The following NDUFS4 variants were observed in gnomAD, a reference collection of about 807,000 sequenced individuals.
NDUFS4 encodes the protein NADH dehydrogenase [ubiquinone] iron-sulfur protein 4, mitochondrial.
Under a neutral mutation model 24.3 loss-of-function variants are expected in NDUFS4, and 28 were observed. That is an observed-to-expected ratio of 1.15 (90% CI 0.85 to 1.58). The LOEUF is 1.58. NDUFS4 is among the 40% of genes most tolerant of loss of function. The pLI is 0.00. For synonymous variants in NDUFS4, 93 were observed against 69.7 expected (o/e 1.34, Z -1.67); for missense variants, 223 against 207.9 (o/e 1.07, Z -0.45).
At position 53,567,396 on chromosome 5, in the gene NDUFS4, A is replaced by G. The variant is rs184264490; in HGVS notation, c.98+6636A>G. On this transcript the variant is annotated intron_variant, in intron 1 of 4. Transcript: ENST00000296684. The stretch of plus-strand genomic sequence containing the variant: ...ATCTTTACTGTTGCTGCATGGTTCC[A>G]TTTGTACAGTGAGAGTTACCAAATG... 1.6e-3 allele frequency among the ~76,000 whole-genome samples: 248 copies of G among 152,288 alleles called. 1 individual carries two copies. Among genetic ancestry groups the G allele is most frequent in the African/African-American group, 5.5e-3 (227 of 41,570 alleles).
chr5:53,682,190 T>C (rs2111613067), intron 4 of NDUFS4, among the ~76,000 whole-genome samples: 1 of 152,238 alleles, frequency 6.6e-6, no homozygotes, highest in South Asian at 2.1e-4. Context: ...GACTTAATTA[T>C]ATTTTTAAGG....
chr5:53,627,851 T>C (rs888253894), intron 2 of NDUFS4, among the ~76,000 whole-genome samples: 2 of 152,194 alleles, frequency 1.3e-5, no homozygotes, highest in African/African-American at 2.4e-5. Context: ...ACTTCCTCTT[T>C]TCCTAATTGA....
chr5:53,588,979 C>T (rs1033418990), intron 1 of NDUFS4, among the ~76,000 whole-genome samples: 2 of 149,654 alleles, frequency 1.3e-5, no homozygotes, highest in African/African-American at 4.9e-5. Context: ...AATGCATAGC[C>T]ATCTTAAAAA....
rs1579913105 is a variant in NDUFS4, at chr5:53,645,224, C to A, written c.178-1009C>A. On this transcript the variant is annotated intron_variant, in intron 2 of 4. Coordinates refer to ENST00000296684, the MANE Select transcript of NDUFS4 (RefSeq NM_002495.4). ...TCATTAATAAGCATATGGTTGACCC[C>A]AATGTGATTTACTTTGATCAGATAA... Among the ~76,000 whole-genome samples, 4 of 152,096 alleles carry A rather than the reference C, an allele frequency of 2.6e-5. No homozygotes were observed. In the East Asian group the frequency reaches 7.7e-4, roughly 29 times the overall value.
chr5:53,597,286 A>G (rs974971670), intron 1 of NDUFS4, among the ~76,000 whole-genome samples: 3 of 152,196 alleles, frequency 2.0e-5, no homozygotes, highest in Admixed American at 6.5e-5. Flanking sequence ...GTGAAAACAG[A>G]TAGTTTCTTA....
At chr5:53,620,664 T>A (rs1751005817) in intron 2 of NDUFS4, among the ~76,000 whole-genome samples, 1 of 152,214 alleles carries the variant, frequency 6.6e-6, no homozygotes, top group Non-Finnish European at 1.5e-5. Flanking sequence ...TATTCTTACA[T>A]TCAGTCTATG....
intron 1 of NDUFS4, among the ~76,000 whole-genome samples, chr5:53,567,498 T>C (rs1175398873): frequency 6.6e-6 from 1 of 152,206 alleles, no homozygotes; most frequent in Non-Finnish European, 1.5e-5. Flanking sequence ...AAGGGACTTT[T>C]CATAGGTGAC....
chr5:53,624,743 G>A (rs1473540495), intron 2 of NDUFS4, among the ~76,000 whole-genome samples: 1 of 151,776 alleles, frequency 6.6e-6, no homozygotes, highest in Non-Finnish European at 1.5e-5. Flanking sequence ...GAATCTTTAG[G>A]GATTTTCACA....
At chr5:53,567,046 T>G (rs535499508) in intron 1 of NDUFS4, among the ~76,000 whole-genome samples, 4 of 152,194 alleles carry the variant, frequency 2.6e-5, no homozygotes, top group East Asian at 3.9e-4. Flanking sequence ...AGACGGGGTT[T>G]CACCATGTTG....
intron 1 of NDUFS4, among the ~76,000 whole-genome samples, chr5:53,575,329 C>G (rs1288082022): frequency 6.6e-6 from 1 of 152,028 alleles, no homozygotes. Flanking sequence ...AACAGCTGCT[C>G]CATGCATCCT....
chr5:53,664,213 T>C (rs772842252), intron 4 of NDUFS4, among the ~76,000 whole-genome samples: 5 of 152,236 alleles, frequency 3.3e-5, no homozygotes, highest in Non-Finnish European at 5.9e-5. Context: ...GTTAGTCTGA[T>C]GGGCTTCCCT....
In NDUFS4 at chr5:53,625,696, T is replaced by G. The variant is rs192875554; in HGVS notation, c.178-20537T>G. Among the ~76,000 whole-genome samples the G allele has an allele frequency of 1.4e-3, 217 of 152,300 alleles. 1 individual carries two copies. Among genetic ancestry groups the G allele is most frequent in the Non-Finnish European group, 1.6e-3 (112 of 68,032 alleles). ...TATTTTTCAGCTCTAGAATTTCTAT[T>G]TAGTTCTTTAATATAGTTTCCATTA... On this transcript the variant is annotated intron_variant, in intron 2 of 4. Coordinates refer to ENST00000296684, the MANE Select transcript of NDUFS4 (RefSeq NM_002495.4).
chr5:53,590,668 ATCT>A (rs1579844722), intron 1 of NDUFS4, among the ~76,000 whole-genome samples: 1 of 152,156 alleles, frequency 6.6e-6, no homozygotes, highest in African/African-American at 2.4e-5. Flanking sequence ...GCAGTTATAA[ATCT>A]TCTTCATCTT....
intron 2 of NDUFS4, among the ~76,000 whole-genome samples, chr5:53,634,641 G>C (rs2607511): frequency 6.6e-6 from 1 of 151,372 alleles, no homozygotes; most frequent in African/African-American, 2.4e-5. Flanking sequence ...TTCCTTCCCT[G>C]TGGGTCTTGC....
chr5:53,617,866 T>C (rs979722175), intron 2 of NDUFS4, among the ~76,000 whole-genome samples: 1 of 152,228 alleles, frequency 6.6e-6, no homozygotes, highest in African/African-American at 2.4e-5. Flanking sequence ...TAGTCATCTC[T>C]TCTTTTAGCT....
chr5:53,587,060 G>A (rs972241391), intron 1 of NDUFS4, among the ~76,000 whole-genome samples: 6 of 152,060 alleles, frequency 3.9e-5, no homozygotes, highest in Non-Finnish European at 8.8e-5. Context: ...CTTACCTCAA[G>A]TGATCTGCCT....
Position 53,560,901 on chromosome 5 carries a change from G to A in NDUFS4, c.98+141G>A, listed in dbSNP as rs886447594. Reference sequence around the variant, plus strand: ...TCTCGGGAGAAGTCGGGCGGACTAGGGACTGTCTGCTATCAATGGGCGTTG... The same window carrying A: ...TCTCGGGAGAAGTCGGGCGGACTAGAGACTGTCTGCTATCAATGGGCGTTG... On this transcript the variant is annotated intron_variant, in intron 1 of 4. Coordinates refer to ENST00000296684, the MANE Select transcript of NDUFS4 (RefSeq NM_002495.4). 9.8e-6 allele frequency: 15 copies of A among 1,528,952 alleles called. No homozygotes were observed. In the African/African-American group the frequency reaches 1.4e-4, roughly 14 times the overall value. 94.7% of individuals were successfully genotyped at this position (1,528,952 alleles called of 1,614,324 possible).
chr5:53,576,811 C>T (rs1329505165), intron 1 of NDUFS4, among the ~76,000 whole-genome samples: 1 of 152,128 alleles, frequency 6.6e-6, no homozygotes, highest in Non-Finnish European at 1.5e-5. Flanking sequence ...ATGGGTTAAA[C>T]TATCTTTTTT....
At chr5:53,610,478 G>A (rs1750660432) in intron 2 of NDUFS4, among the ~76,000 whole-genome samples, 1 of 151,834 alleles carries the variant, frequency 6.6e-6, no homozygotes, top group African/African-American at 2.4e-5. Context: ...CTTGAAATGA[G>A]CACACACCAG....
Sources: allele counts gnomAD v4.1 joint callset (sites outside exome capture counted in the v4.1 genomes callset), GRCh38; gene constraint gnomAD v4.1.1; transcripts MANE v1.5; gene names NCBI Gene and HGNC (gene_info 2026-07-23, HGNC 2026-07-21).